The following S100Z variants were observed in gnomAD, a reference collection of about 807,000 sequenced individuals.
S100Z encodes the protein protein S100-Z.
Under a neutral mutation model 8.5 loss-of-function variants are expected in S100Z, and 11 were observed. That is an observed-to-expected ratio of 1.30 (90% CI 0.82 to 2.15). The LOEUF is 2.15. S100Z is among the 30% of genes most tolerant of loss of function. The probability of loss-of-function intolerance (pLI) is 0.00; values close to 1 mark genes in which losing one functional copy is unlikely to be tolerated. For synonymous variants in S100Z, 34 were observed against 43.8 expected (o/e 0.78, Z 0.89); for missense variants, 126 against 117.9 (o/e 1.07, Z -0.32).
intron 1 of S100Z, among the ~76,000 whole-genome samples, 168 bp downstream of exon 1, chr5:76,850,323 C>A (rs895041417): frequency 1.9e-4 from 1 of 5,374 alleles, no homozygotes; most frequent in African/African-American, 3.7e-4. Flanking sequence ...ACAAAGGGGT[C>A]GGGGGGGTGG....
At chr5:76,910,949 G>A (rs2150679856) in intron 4 of S100Z, among the ~76,000 whole-genome samples, 1 of 152,280 alleles carries the variant, frequency 6.6e-6, no homozygotes, top group Non-Finnish European at 1.5e-5. Flanking sequence ...TGTTATGCCT[G>A]AAAGTCCCAC....
chr5:76,876,437 C>T (rs1252483784), intron 3 of S100Z, among the ~76,000 whole-genome samples: 1 of 151,236 alleles, frequency 6.6e-6, no homozygotes, highest in African/African-American at 2.4e-5. Flanking sequence ...GACACGATCT[C>T]GGCTCACTGC....
At chr5:76,874,256 C>T (rs962413559) in intron 2 of S100Z, among the ~76,000 whole-genome samples, 60 of 151,366 alleles carry the variant, frequency 4.0e-4, no homozygotes, top group African/African-American at 1.3e-3. Flanking sequence ...AATTTACTCC[C>T]TTGTCCTTGC....
At chr5:76,852,346 G>T (rs993247320) in intron 1 of S100Z, among the ~76,000 whole-genome samples, 1 of 152,032 alleles carries the variant, frequency 6.6e-6, no homozygotes, top group African/African-American at 2.4e-5. Context: ...CAGCCTGGCC[G>T]TGGAAGCAGG....
At chr5:76,857,546 C>T (rs1365964366) in intron 1 of S100Z, among the ~76,000 whole-genome samples, 70 of 147,846 alleles carry the variant, frequency 4.7e-4, no homozygotes, top group Non-Finnish European at 6.2e-4. Flanking sequence ...GCCACCCAGA[C>T]TGGGGTGCAG....
At chr5:76,937,032 A>G in the S100Z span, among the ~76,000 whole-genome samples, 1 of 152,182 alleles carries the variant, frequency 6.6e-6, no homozygotes, top group Non-Finnish European at 1.5e-5. Flanking sequence ...AAACAGAAAG[A>G]ATAAGTGATC....
At chr5:76,950,666 A>C in the S100Z span, among the ~76,000 whole-genome samples, 2 of 152,220 alleles carry the variant, frequency 1.3e-5, no homozygotes, top group East Asian at 3.9e-4. Context: ...ATTTGAAAGT[A>C]ATGGAGGTTA....
intron 4 of S100Z, among the ~76,000 whole-genome samples, chr5:76,897,512 T>G (rs1744082606): frequency 6.6e-6 from 1 of 151,940 alleles, no homozygotes; most frequent in Admixed American, 6.6e-5. Context: ...TTTCTATTTC[T>G]GTGAAGAATG....
chr5:76,853,890 T>A (rs767692040), intron 1 of S100Z, among the ~76,000 whole-genome samples: 4 of 151,808 alleles, frequency 2.6e-5, no homozygotes, highest in Non-Finnish European at 5.9e-5. Flanking sequence ...CATGAATGGG[T>A]TAGCACCATC....
At chr5:76,874,182 C>T (rs1048870237) in intron 2 of S100Z, among the ~76,000 whole-genome samples, 5 of 149,432 alleles carry the variant, frequency 3.3e-5, no homozygotes, top group Middle Eastern at 3.3e-3. Context: ...TAAATCAGTG[C>T]GTGGAGCACT....
intron 4 of S100Z, among the ~76,000 whole-genome samples, chr5:76,912,622 G>A (rs1744708287): frequency 6.6e-6 from 1 of 152,248 alleles, no homozygotes; most frequent in Non-Finnish European, 1.5e-5. Context: ...ACATGCCCAT[G>A]CTGTAATATG....
At chr5:76,888,180 C>G (rs912867389) in intron 4 of S100Z, among the ~76,000 whole-genome samples, 2 of 150,822 alleles carry the variant, frequency 1.3e-5, no homozygotes, top group Non-Finnish European at 3.0e-5. Context: ...TCGCTGGAAC[C>G]CAGGAGGCAG....
At chr5:76,887,905 A>G (rs1743705424) in intron 4 of S100Z, among the ~76,000 whole-genome samples, 1 of 152,114 alleles carries the variant, frequency 6.6e-6, no homozygotes, top group African/African-American at 2.4e-5. Context: ...AAGAGAAGAA[A>G]TGTAGACCAT....
At chr5:76,892,758 G>C (rs920119577) in intron 4 of S100Z, among the ~76,000 whole-genome samples, 2 of 152,206 alleles carry the variant, frequency 1.3e-5, no homozygotes, top group Admixed American at 1.3e-4. Context: ...TGTGCTAAAA[G>C]GGGGTAGAGG....
At chr5:76,851,684 A>T (rs1308746003) in intron 1 of S100Z, among the ~76,000 whole-genome samples, 4 of 152,202 alleles carry the variant, frequency 2.6e-5, no homozygotes. Flanking sequence ...GTGGTTTGGA[A>T]TCTGAGACTC....
the S100Z span, among the ~76,000 whole-genome samples, chr5:76,940,004 A>C: frequency 6.6e-6 from 1 of 151,864 alleles, no homozygotes; most frequent in Non-Finnish European, 1.5e-5. Flanking sequence ...TAAAAATACA[A>C]GAATTAGCTG....
intron 4 of S100Z, among the ~76,000 whole-genome samples, chr5:76,890,227 T>A (rs377459867): frequency 2.6e-5 from 4 of 152,166 alleles, no homozygotes; most frequent in African/African-American, 9.7e-5. Context: ...TTTCACCATG[T>A]TGGCCAGGCT....
At chr5:76,922,561 C>T (rs960559516), downstream of S100Z, among the ~76,000 whole-genome samples, 7 of 151,786 alleles carry the variant, frequency 4.6e-5, no homozygotes, top group African/African-American at 9.7e-5. Context: ...AGTCTTGCTC[C>T]GTTGCCCAAG....
At chr5:76,894,119 A>G (rs1743954946) in intron 4 of S100Z, among the ~76,000 whole-genome samples, 1 of 152,122 alleles carries the variant, frequency 6.6e-6, no homozygotes, top group African/African-American at 2.4e-5. Context: ...ACATTTTACA[A>G]CCTATTCTCT....
Sources: gnomAD v4.1 joint callset for allele counts (sites outside exome capture counted in the v4.1 genomes callset) on GRCh38, gnomAD v4.1.1 for gene constraint, MANE v1.5 for transcripts, NCBI Gene and HGNC (gene_info 2026-07-23, HGNC 2026-07-21) for gene names.